The following RBFOX1 variants were observed in gnomAD, a reference collection of about 807,000 sequenced individuals.
The protein encoded by RBFOX1 is RNA binding protein fox-1 homolog 1.
In RBFOX1, 8 loss-of-function variants were observed where a neutral mutation model predicts 57.7. The observed-to-expected ratio is 0.14, with a 90% CI of 0.08 to 0.25. The LOEUF is 0.25. Ranked by LOEUF, RBFOX1 falls within the 10% of genes least tolerant of loss-of-function variation. The pLI, the probability that RBFOX1 is intolerant of heterozygous loss-of-function variation, is 1.00. For synonymous variants in RBFOX1, 326 were observed against 222.4 expected, an observed-to-expected ratio of 1.47 and a Z score of -4.15; for missense variants, 611 against 548.5, an observed-to-expected ratio of 1.11 and a Z score of -1.14.
chr16:6,358,328 T>C (rs187528282), intron 2 of RBFOX1, among the ~76,000 whole-genome samples: 6 of 152,358 alleles, frequency 3.9e-5, no homozygotes, highest in Non-Finnish European at 1.5e-5. Flanking sequence ...TACTTTAATA[T>C]GTTAAGTGGT....
chr16:6,705,947 G>T (rs11077074), intron 3 of RBFOX1, among the ~76,000 whole-genome samples: 6 of 151,922 alleles, frequency 3.9e-5, no homozygotes, highest in Non-Finnish European at 7.4e-5. Context: ...GAGCCTGGGA[G>T]GTGGAGGCTA....
chr16:7,110,807 A>T (rs182518264), intron 4 of RBFOX1, among the ~76,000 whole-genome samples: 2 of 152,186 alleles, frequency 1.3e-5, no homozygotes, highest in Admixed American at 1.3e-4. Flanking sequence ...TTAGTGACTA[A>T]AGGCTGGAAT....
intron 4 of RBFOX1, among the ~76,000 whole-genome samples, chr16:7,087,362 G>T (rs1023820993): frequency 6.6e-6 from 1 of 152,122 alleles, no homozygotes; most frequent in African/African-American, 2.4e-5. Flanking sequence ...ATGGTGTAGT[G>T]CCTGTCTGTT....
At chr16:7,663,993 G>A (rs2068502664) in intron 12 of RBFOX1, among the ~76,000 whole-genome samples, 1 of 152,124 alleles carries the variant, frequency 6.6e-6, no homozygotes, top group South Asian at 2.1e-4. Context: ...TCTTCTTTCT[G>A]GGATGGTCAC....
intron 3 of RBFOX1, among the ~76,000 whole-genome samples, chr16:6,731,372 C>G (rs1046908096): frequency 6.6e-6 from 1 of 152,124 alleles, no homozygotes; most frequent in Non-Finnish European, 1.5e-5. Context: ...CACGACTATA[C>G]TTTAGAAACA....
chr16:6,858,439 A>T (rs749645152), intron 3 of RBFOX1, among the ~76,000 whole-genome samples: 5 of 152,152 alleles, frequency 3.3e-5, no homozygotes, highest in Admixed American at 1.3e-4. Context: ...GGAGTTCCAC[A>T]ATCTCGTTAT....
intron 3 of RBFOX1, among the ~76,000 whole-genome samples, chr16:6,835,194 C>T (rs558212566): frequency 1.3e-5 from 2 of 152,260 alleles, no homozygotes; most frequent in South Asian, 2.1e-4. Flanking sequence ...AGCCACCACG[C>T]CCGACCGGCC....
chr16:7,021,447 C>T (rs1394831479), intron 3 of RBFOX1, among the ~76,000 whole-genome samples: 2 of 140,870 alleles, frequency 1.4e-5, no homozygotes, highest in Non-Finnish European at 1.6e-5. Flanking sequence ...TTTTATATAT[C>T]AGTATTAATT....
chr16:6,108,225 C>A (rs1437657552), intron 1 of RBFOX1, among the ~76,000 whole-genome samples: 1 of 152,040 alleles, frequency 6.6e-6, no homozygotes, highest in Admixed American at 6.6e-5. Flanking sequence ...GCTTTTTCTC[C>A]TTGAGATAAA....
At chr16:6,211,201 T>C (rs2097295245) in intron 1 of RBFOX1, among the ~76,000 whole-genome samples, 1 of 99,222 alleles carries the variant, frequency 1.0e-5, no homozygotes, top group Admixed American at 1.3e-4. Context: ...TTTTTTTTTT[T>C]TTGGTTAGTG....
At chr16:6,792,622 G>C (rs2083189868) in intron 3 of RBFOX1, among the ~76,000 whole-genome samples, 4 of 152,180 alleles carry the variant, frequency 2.6e-5, no homozygotes, top group Admixed American at 2.6e-4. Flanking sequence ...AAGCCTTCAT[G>C]TAACATTGCT....
At chr16:6,962,020 C>T (rs2083127320) in intron 3 of RBFOX1, among the ~76,000 whole-genome samples, 1 of 152,074 alleles carries the variant, frequency 6.6e-6, no homozygotes, top group Non-Finnish European at 1.5e-5. Flanking sequence ...CTCATTTTAC[C>T]CAGCCCCTAT....
chr16:6,515,448 C>A (rs939775226), intron 2 of RBFOX1, among the ~76,000 whole-genome samples: 2 of 152,186 alleles, frequency 1.3e-5, no homozygotes, highest in African/African-American at 2.4e-5. Context: ...ACATATTTTT[C>A]TTAGAATCTA....
chr16:5,888,747 C>T (rs1005998696), intron 4 of RBFOX1, among the ~76,000 whole-genome samples: 5 of 138,780 alleles, frequency 3.6e-5, no homozygotes, highest in African/African-American at 5.5e-5. Flanking sequence ...GGTGAGGTTG[C>T]GATCGTGCCA....
chr16:7,451,444 A>G lies in RBFOX1; in HGVS notation c.28-66703A>G, dbSNP rs533400055. On this transcript the variant is annotated intron_variant, in intron 4 of 15. Coordinates refer to ENST00000550418, the MANE Select transcript of RBFOX1 (RefSeq NM_018723.4). Reference sequence around the variant, plus strand: ...TAGGTAAGTTAACTTGGGCGGGCTCACTTTTCTATACATTTTGTGCTCGGG... The same window carrying G: ...TAGGTAAGTTAACTTGGGCGGGCTCGCTTTTCTATACATTTTGTGCTCGGG... 2.0e-5 allele frequency among the ~76,000 whole-genome samples: 3 copies of G among 152,232 alleles called. No individual in the cohort carries two copies. The South Asian group carries it at 6.2e-4, about 32-fold the overall frequency.
chr16:6,834,200 G>C (rs1362987363), intron 3 of RBFOX1, among the ~76,000 whole-genome samples: 1 of 151,866 alleles, frequency 6.6e-6, no homozygotes, highest in Admixed American at 6.6e-5. Flanking sequence ...CAGCCTCCCA[G>C]GTAGCTGGGA....
At chr16:5,631,420 G>T (rs1596517829) in intron 3 of RBFOX1, among the ~76,000 whole-genome samples, 1 of 152,114 alleles carries the variant, frequency 6.6e-6, no homozygotes, top group East Asian at 1.9e-4. Context: ...AGCCGGGTAT[G>T]GTGGCGGGTG....
chr16:6,964,454 G>C (rs1300012524), intron 3 of RBFOX1, among the ~76,000 whole-genome samples: 3 of 152,092 alleles, frequency 2.0e-5, no homozygotes, highest in Admixed American at 6.5e-5. Context: ...TGCTCTTTGG[G>C]TGATTGTGAT....
chr16:5,700,112 G>A (rs576721826), intron 3 of RBFOX1, among the ~76,000 whole-genome samples: 28 of 152,308 alleles, frequency 1.8e-4, no homozygotes, highest in Non-Finnish European at 3.1e-4. Context: ...GATTACAGGC[G>A]TGAGCCACCA....
Sources: gnomAD v4.1 joint callset for allele counts (sites outside exome capture counted in the v4.1 genomes callset) on GRCh38, gnomAD v4.1.1 for gene constraint, MANE v1.5 for transcripts, NCBI Gene and HGNC (gene_info 2026-07-23, HGNC 2026-07-21) for gene names.